Variants in WHRN observed in about 807,000 individuals in gnomAD.
WHRN encodes the protein whirlin.
A neutral mutation model predicts 68.3 loss-of-function variants in WHRN; 41 were observed. The ratio of observed to expected loss-of-function variants is 0.60; its 90% CI spans 0.47 to 0.78. The LOEUF (loss-of-function observed/expected upper bound fraction) is 0.78. WHRN is among the 30% of genes least tolerant of loss of function. The pLI is 0.00. For missense variants in WHRN, 1,243 were observed against 1,244.7 expected (o/e 1.00, Z 0.02); for synonymous variants, 560 against 561.3 (o/e 1.00, Z 0.03).
At chr9:114,458,798 T>C (rs1198751285) in intron 3 of WHRN, among the ~76,000 whole-genome samples, 1 of 152,212 alleles carries the variant, frequency 6.6e-6, no homozygotes, top group African/African-American at 2.4e-5. Flanking sequence ...CAGCAAAGAA[T>C]CCTGGTGCCC....
At chr9:114,483,421 T>G (rs1842242442) in intron 1 of WHRN, among the ~76,000 whole-genome samples, 1 of 152,186 alleles carries the variant, frequency 6.6e-6, no homozygotes, top group African/African-American at 2.4e-5. Flanking sequence ...GCTTGCTTAT[T>G]TTAACGGGCA....
intron 9 of WHRN, 139 bp downstream of exon 9, chr9:114,406,216 C>G (rs1835011233): frequency 8.3e-7 from 1 of 1,198,212 alleles, no homozygotes; most frequent in Admixed American, 1.9e-5. Context: ...AAACTGGGGT[C>G]TCCAACTCCC....
rs549584611 is a variant in WHRN at position 114,504,440 on chromosome 9, G to T, written c.362C>A (p.Pro121His). 2.1e-5 allele frequency: 33 copies of T among 1,607,194 alleles called. No homozygotes were observed. Among genetic ancestry groups the T allele is most frequent in the Admixed American group, 1.0e-4 (6 of 59,984 alleles). Reference protein sequence around the residue: ...AEGLYLPATTPYRQPAWGGPD... With the variant: ...AEGLYLPATTHYRQPAWGGPD... Reference sequence around the variant, plus strand: ...GCCGCCCCAGGCGGGCTGCCTGTAGGGGGTGGTGGCGGGCAGGTAGAGGCC... The same window carrying T: ...GCCGCCCCAGGCGGGCTGCCTGTAGTGGGTGGTGGCGGGCAGGTAGAGGCC... Residue 121 changes from proline to histidine, a missense_variant, in exon 1 of 12, where the codon CCC becomes CAC. Transcript: ENST00000362057.
In WHRN at chr9:114,466,381, C is replaced by A; in HGVS notation, c.849G>T (p.Val283=). The A allele has an allele frequency of 6.2e-7, 1 of 1,614,084 alleles. No homozygotes were observed. The highest frequency in any genetic ancestry group is 8.5e-7 in the Non-Finnish European group (1 of 1,180,020). Residue 283 remains valine (V), a synonymous_variant, in exon 3 of 12, where the codon GTG becomes GTT. Transcript: ENST00000362057. Reference sequence around the variant, plus strand: ...GGCCCAGGGACCGGCCGTCCCCCAGCACCAGGTTCACCTGTCAGAGGGAGA... The same window carrying A: ...GGCCCAGGGACCGGCCGTCCCCCAGAACCAGGTTCACCTGTCAGAGGGAGA... The part of the protein sequence containing the change: ...QGGDEKKVNL[V]LGDGRSLGLT...
chr9:114,408,049 A>C (rs768654336), intron 7 of WHRN, 31 bp from the exon 8 acceptor site: 48 of 1,559,396 alleles, frequency 3.1e-5, no homozygotes, highest in Non-Finnish European at 4.1e-5. Flanking sequence ...AAAGTGAGCA[A>C]ACAGAAGCTG....
chr9:114,426,128 G>T, intron 4 of WHRN, 83 bp downstream of exon 4: 1 of 1,575,456 alleles, frequency 6.3e-7, no homozygotes, highest in East Asian at 2.2e-5. Context: ...GAGCCAGGGC[G>T]GTGGAGGGAT....
rs1306243962 is a variant in WHRN, at chr9:114,504,682, G to A, written c.120C>T (p.Arg40=). ...AGLRLLSANV[R]QLHQALTALL... is the part of the protein sequence containing the mutation. ...GCGCGGTCAGCGCTTGGTGCAGCTG[G>A]CGCACGTTGGCAGACAGTAACCGCA... The change falls in exon 1 of 12, where the codon CGC becomes CGT. Residue 40 remains arginine, a synonymous_variant. Coordinates refer to ENST00000362057, the MANE Select transcript of WHRN (RefSeq NM_015404.4). 11 of 1,597,276 alleles carry A rather than the reference G, an allele frequency of 6.9e-6. No homozygotes were observed. Among genetic ancestry groups the A allele is most frequent in the Non-Finnish European group, 9.4e-6 (11 of 1,175,848 alleles).
intron 1 of WHRN, chr9:114,503,161 G>A: frequency 1.0e-6 from 1 of 985,544 alleles, no homozygotes; most frequent in Non-Finnish European, 1.2e-6. Flanking sequence ...GGCCTCTGCT[G>A]CCTAGGAGTT....
intron 8 of WHRN, 148 bp from the exon 9 acceptor site, chr9:114,407,040 ACCTGAGTGGAAAACTTCTCC>A: frequency 1.1e-6 from 1 of 943,626 alleles, no homozygotes; most frequent in South Asian, 1.4e-5. Flanking sequence ...ATAATGCAAC[ACCTGAGTGGAAAACTTCTCC>A]CCTGCATCTC....
At chr9:114,405,243 C>T (rs116224571) in intron 9 of WHRN, among the ~76,000 whole-genome samples, 1,709 of 151,904 alleles carry the variant, frequency 0.011, 29 homozygotes, top group African/African-American at 0.039. Context: ...GGCTAATTAT[C>T]GTATCTTTAG....
chr9:114,426,282 G>C lies in WHRN; in HGVS notation c.1095C>G (p.Ala365=). Residue 365 remains alanine, a synonymous_variant, in exon 4 of 12, where the codon GCC becomes GCG. Coordinates refer to ENST00000362057, the MANE Select transcript of WHRN (RefSeq NM_015404.4). The part of the protein sequence containing the change: ...TVKDVGRLPH[A]RTTVDETKWI... ...ACTTGGTCTCGTCCACAGTGGTGCG[G>C]GCATGGGGCAGCCTCCCGACGTCCT... 6.2e-7 allele frequency: 1 copy of C among 1,613,342 alleles called. No homozygotes were observed. The highest frequency in any genetic ancestry group is 8.5e-7 in the Non-Finnish European group (1 of 1,180,032).
chr9:114,470,056 C>G (rs561556196), intron 2 of WHRN, among the ~76,000 whole-genome samples: 2 of 152,214 alleles, frequency 1.3e-5, no homozygotes, highest in African/African-American at 4.8e-5. Flanking sequence ...CAATCCCCCA[C>G]GTCAAGACCA....
intron 3 of WHRN, among the ~76,000 whole-genome samples, chr9:114,447,135 G>C (rs1838892634): frequency 6.6e-6 from 1 of 152,136 alleles, no homozygotes; most frequent in Non-Finnish European, 1.5e-5. Context: ...CAGGCACATA[G>C]AGAGGCTCAG....
At chr9:114,494,414 C>T (rs1471377244) in intron 1 of WHRN, among the ~76,000 whole-genome samples, 4 of 152,234 alleles carry the variant, frequency 2.6e-5, no homozygotes, top group African/African-American at 7.2e-5. Context: ...GAAACCTGAA[C>T]AGAGAAGGTA....
chr9:114,480,400 G>T (rs1328600007), intron 1 of WHRN, among the ~76,000 whole-genome samples: 1 of 152,212 alleles, frequency 6.6e-6, no homozygotes, highest in African/African-American at 2.4e-5. Flanking sequence ...GTACTTTGGA[G>T]ATGAGGCCTT....
chr9:114,426,954 G>C (rs970623939), intron 3 of WHRN, among the ~76,000 whole-genome samples: 1 of 152,192 alleles, frequency 6.6e-6, no homozygotes, highest in African/African-American at 2.4e-5. Context: ...CAAGGAGGCA[G>C]CTTTATTTTG....
At chr9:114,471,893 TGA>T (rs1420143284) in intron 2 of WHRN, among the ~76,000 whole-genome samples, 1 of 152,056 alleles carries the variant, frequency 6.6e-6, no homozygotes, top group Non-Finnish European at 1.5e-5. Flanking sequence ...GGCACGGTTG[TGA>T]GAGGCTGTGA....
chr9:114,440,364 G>A (rs1046053923), intron 3 of WHRN, among the ~76,000 whole-genome samples: 3 of 152,072 alleles, frequency 2.0e-5, no homozygotes, highest in African/African-American at 7.2e-5. Context: ...AGCGTCTCGA[G>A]TAGCTGGGAC....
At chr9:114,432,761 G>T (rs1244747654) in intron 3 of WHRN, among the ~76,000 whole-genome samples, 1 of 152,176 alleles carries the variant, frequency 6.6e-6, no homozygotes, top group Non-Finnish European at 1.5e-5. Context: ...CAAGTATAAA[G>T]CACATAAACA....
Sources: gnomAD v4.1 joint callset for allele counts (sites outside exome capture counted in the v4.1 genomes callset) on GRCh38, gnomAD v4.1.1 for gene constraint, MANE v1.5 for transcripts, NCBI Gene and HGNC (gene_info 2026-07-23, HGNC 2026-07-21) for gene names.